Variants in LATS1 observed in about 807,000 individuals in gnomAD.
The protein encoded by LATS1 is large tumor suppressor kinase 1.
Under a neutral mutation model 106.6 loss-of-function variants are expected in LATS1, and 25 were observed. The ratio of observed to expected loss-of-function variants is 0.23; its 90% CI spans 0.17 to 0.33. LATS1 has a LOEUF of 0.33. Among genes scored for constraint, LATS1 ranks in the 10% least tolerant of loss-of-function variants. LATS1 has a pLI of 1.00. For missense variants in LATS1, 1,040 were observed against 1,382.6 expected, an observed-to-expected ratio of 0.75 and a Z score of 3.93; for synonymous variants, 465 against 455.6, an observed-to-expected ratio of 1.02 and a Z score of -0.26.
At chr6:149,685,287 A>G (rs1185570656) in intron 3 of LATS1, among the ~76,000 whole-genome samples, 1 of 152,098 alleles carries the variant, frequency 6.6e-6, no homozygotes, top group African/African-American at 2.4e-5. Flanking sequence ...ATATATATGC[A>G]TGTATATTTG....
At chr6:149,712,846 T>C (rs534365983) in intron 1 of LATS1, among the ~76,000 whole-genome samples, 1 of 151,728 alleles carries the variant, frequency 6.6e-6, no homozygotes, top group South Asian at 2.1e-4. Context: ...ATAGAAAAAA[T>C]CAGCCAATTA....
At chr6:149,703,165 G>A (rs151140666) in intron 1 of LATS1, among the ~76,000 whole-genome samples, 16 of 151,984 alleles carry the variant, frequency 1.1e-4, no homozygotes, top group African/African-American at 3.4e-4. Context: ...AGTAGAGATG[G>A]GGTTTCACTA....
intron 3 of LATS1, among the ~76,000 whole-genome samples, chr6:149,691,877 T>C (rs1430984913): frequency 1.3e-5 from 2 of 152,204 alleles, no homozygotes; most frequent in Admixed American, 6.5e-5. Context: ...TTATCATCCA[T>C]CTATTTTTCT....
intron 1 of LATS1, among the ~76,000 whole-genome samples, chr6:149,712,014 A>G (rs568982218): frequency 1.3e-5 from 2 of 152,280 alleles, no homozygotes; most frequent in Non-Finnish European, 2.9e-5. Flanking sequence ...CACAGGACAC[A>G]TTACTTCACA....
At chr6:149,663,372 C>T (rs751517615) in intron 7 of LATS1, among the ~76,000 whole-genome samples, 2 of 152,002 alleles carry the variant, frequency 1.3e-5, no homozygotes, top group Non-Finnish European at 1.5e-5. Context: ...GTCCCAGCTA[C>T]TTGAGGTGGG....
intron 1 of LATS1, among the ~76,000 whole-genome samples, chr6:149,705,873 G>A (rs955144022): frequency 1.3e-5 from 2 of 152,026 alleles, no homozygotes; most frequent in African/African-American, 4.8e-5. Context: ...GTAGCGGGCT[G>A]AATAATGGCC....
At chr6:149,706,183 CAAAAAAAAAAAAAAAAAAAAAAAAAA>C (rs60729757) in intron 1 of LATS1, among the ~76,000 whole-genome samples, 15 of 25,298 alleles carry the variant, frequency 5.9e-4, no homozygotes, top group South Asian at 2.1e-3. Context: ...AACCCGGTCG[CAAAAAAAAAAAAAAAAAAAAAAAAAA>C]AAAAAAAAAA....
intron 7 of LATS1, among the ~76,000 whole-genome samples, chr6:149,664,173 AAAG>A (rs1016789478): frequency 1.3e-4 from 19 of 151,974 alleles, no homozygotes; most frequent in Non-Finnish European, 1.3e-4. Context: ...AAAAAAAAAA[AAAG>A]AGCACAGCAA....
rs559731997 is a variant in LATS1 at position 149,660,622 on chromosome 6, C to T, written c.*1107G>A. The T allele has an allele frequency of 1.7e-5, 4 of 232,074 alleles. No individual in the cohort carries two copies. The highest frequency in any genetic ancestry group is 6.6e-5 in the African/African-American group (3 of 45,290). 14.4% of individuals were successfully genotyped at this position (232,074 alleles called of 1,614,324 possible). A position where few individuals can be genotyped will look rare whatever the true frequency, so the allele number is the denominator to read the frequency against. ...CTTAGAACCTAAGCGTTATACATAA[C>T]AGGCATGTTGAACGCATTATTGAAC... On this transcript the variant is annotated 3_prime_UTR_variant, in exon 8 of 8. Coordinates refer to ENST00000543571, the MANE Select transcript of LATS1 (RefSeq NM_004690.4).
intron 2 of LATS1, among the ~76,000 whole-genome samples, chr6:149,700,527 C>T (rs1783391057): frequency 6.6e-6 from 1 of 151,898 alleles, no homozygotes; most frequent in African/African-American, 2.4e-5. Context: ...GTAAATCTCC[C>T]TTTTCAAATC....
chr6:149,662,528 T>G (rs1242751294), intron 7 of LATS1, among the ~76,000 whole-genome samples: 1 of 152,192 alleles, frequency 6.6e-6, no homozygotes, highest in Non-Finnish European at 1.5e-5. Flanking sequence ...TCTATCATAT[T>G]TCTAATAGCT....
In LATS1 at chr6:149,661,805, C is replaced by A; in HGVS notation, c.3317G>T (p.Gly1106Val). 1 of 1,611,122 alleles carries A rather than the reference C, an allele frequency of 6.2e-7. No homozygotes were observed. Among genetic ancestry groups the A allele is most frequent in the Non-Finnish European group, 8.5e-7 (1 of 1,178,912 alleles). The change falls in exon 8 of 8, where the codon GGC becomes GTC. Residue 1106 changes from glycine (G) to valine (V), a missense_variant. Gly to Val is a moderately radical substitution (Grantham distance 109). This residue lies in a region of LATS1 where 46 missense variants were observed against 42.4 expected (regional missense o/e 1.09). Transcript: ENST00000543571. The stretch of plus-strand genomic sequence containing the variant: ...ATCTTCATCCGACTGCTGCTCTGAG[C>A]CTTGTGAATTAATGTATTCATATTC... ...PIEYEYINSQ[G>V]SEQQSDEDDQ...
At chr6:149,686,462 C>T (rs1043679932) in intron 3 of LATS1, among the ~76,000 whole-genome samples, 1 of 152,098 alleles carries the variant, frequency 6.6e-6, no homozygotes, top group South Asian at 2.1e-4. Flanking sequence ...TTCCACTTCC[C>T]GAACCTTTCC....
chr6:149,678,179 A>C lies in LATS1; in HGVS notation c.2594-1442T>G, dbSNP rs1440305219. Among the ~76,000 whole-genome samples the C allele has an allele frequency of 3.1e-4, 46 of 147,226 alleles. 3 individuals carry two copies. The East Asian group carries it at 5.5e-3, about 18-fold the overall frequency. ...ACTAAAAATCCAAAAAAAAAAAAAA[A>C]AAAAAAAAAAAAAAAATAGCCGGGC... On this transcript the variant is annotated intron_variant, in intron 5 of 7. Transcript: ENST00000543571.
chr6:149,706,274 G>A (rs1181446925), intron 1 of LATS1, among the ~76,000 whole-genome samples: 1 of 147,538 alleles, frequency 6.8e-6, no homozygotes, highest in Non-Finnish European at 1.5e-5. Context: ...AGGCCAAAGT[G>A]GGAGGATCAC....
chr6:149,668,717 T>G (rs538042367), intron 7 of LATS1, among the ~76,000 whole-genome samples: 4 of 152,064 alleles, frequency 2.6e-5, no homozygotes. Flanking sequence ...AGTGCTGGGA[T>G]TGCAGGCATA....
chr6:149,716,217 T>G (rs1784382522), intron 1 of LATS1: 1 of 152,102 alleles, frequency 6.6e-6, no homozygotes, highest in Non-Finnish European at 1.5e-5. Flanking sequence ...CCTGGCTGGG[T>G]GCAGTAGTGC....
In LATS1 at chr6:149,684,116, C is replaced by T. The variant is rs763169343; in HGVS notation, c.973G>A (p.Val325Ile). The change falls in exon 4 of 8, where the codon GTT becomes ATT. Residue 325 changes from valine (V) to isoleucine (I), a missense_variant. Transcript: ENST00000543571. Reference protein sequence around the residue: ...QGQRGISSVPVGRQPIIMQSS... With the variant: ...QGQRGISSVPIGRQPIIMQSS... ...TGCATGATGATTGGTTGTCTGCCAA[C>T]AGGAACAGAACTAATGCCTCTCTGT... The T allele has an allele frequency of 1.9e-6, 3 of 1,614,208 alleles. No individual in the cohort carries two copies. Among genetic ancestry groups the T allele is most frequent in the African/African-American group, 1.3e-5 (1 of 75,050 alleles).
At chr6:149,684,841 G>A (rs1242022733) in intron 3 of LATS1, among the ~76,000 whole-genome samples, 1 of 151,670 alleles carries the variant, frequency 6.6e-6, no homozygotes, top group East Asian at 1.9e-4. Context: ...TGATATGTGA[G>A]GTAATAATAC....
Sources: gnomAD v4.1 joint callset for allele counts (sites outside exome capture counted in the v4.1 genomes callset) on GRCh38, gnomAD v4.1.1 for gene constraint, gnomAD v4.1.1 regional missense constraint, MANE v1.5 for transcripts, NCBI Gene and HGNC (gene_info 2026-07-23, HGNC 2026-07-21) for gene names.